Variants in GJA1 observed in about 807,000 individuals in gnomAD.
The protein encoded by GJA1 is gap junction protein alpha 1.
GJA1 carries 9 observed loss-of-function variants against 31.0 expected under a neutral mutation model. The ratio of observed to expected loss-of-function variants is 0.29; its 90% CI spans 0.17 to 0.51. The LOEUF (loss-of-function observed/expected upper bound fraction) is 0.51. GJA1 is among the 20% of genes least tolerant of loss of function. The pLI is 0.98. For missense variants in GJA1, 278 were observed against 468.8 expected, an observed-to-expected ratio of 0.59 and a Z score of 3.76; for synonymous variants, 186 against 180.1, an observed-to-expected ratio of 1.03 and a Z score of -0.26.
At chr6:121,436,184 T>TG (rs11333433) in intron 1 of GJA1, among the ~76,000 whole-genome samples, 3,944 of 29,794 alleles carry the variant, frequency 0.13, 441 homozygotes, top group African/African-American at 0.28. Context: ...ATTTGTTGGG[T>TG]GGGGGGGGGG....
intron 1 of GJA1, among the ~76,000 whole-genome samples, chr6:121,445,913 G>A (rs1773881718): frequency 6.6e-6 from 1 of 151,996 alleles, no homozygotes; most frequent in African/African-American, 2.4e-5. Context: ...GGGCAACATA[G>A]TGAAATCCTA....
Position 121,437,399 on chromosome 6 carries a change from C to T in GJA1, c.-17+1567C>T, listed in dbSNP as rs964619781. On this transcript the variant is annotated intron_variant, in intron 1 of 1. Coordinates refer to ENST00000282561, the MANE Select transcript of GJA1 (RefSeq NM_000165.5). ...TTTTTCCTCTTAAACTTGCTGAATC[C>T]CACTATCTCCGCGTTGGTAAGAAAA... Among the ~76,000 whole-genome samples, 5 of 150,924 alleles carry T rather than the reference C, an allele frequency of 3.3e-5. No homozygotes were observed. In the East Asian group the frequency reaches 9.7e-4, roughly 29 times the overall value.
chr6:121,448,896 T>A lies in GJA1; in HGVS notation c.*900T>A, dbSNP rs1418334908. 6.0e-6 allele frequency: 1 copy of A among 167,020 alleles called. No individual in the cohort carries two copies. Among genetic ancestry groups the A allele is most frequent in the Non-Finnish European group, 1.5e-5 (1 of 68,130 alleles). The allele number at this position is 167,020 out of a possible 1,614,324, so 10.3% of individuals were successfully genotyped here. A position where few individuals can be genotyped will look rare whatever the true frequency, so the allele number is the denominator to read the frequency against. On this transcript the variant is annotated 3_prime_UTR_variant, in exon 2 of 2. Coordinates refer to ENST00000282561, the MANE Select transcript of GJA1 (RefSeq NM_000165.5). ...CAGTATAAACTCACAAACACAGATT[T>A]GAAAATAATGCACATATGGTGTTCA...
intron 1 of GJA1, among the ~76,000 whole-genome samples, chr6:121,438,961 C>T (rs1773717748): frequency 6.6e-6 from 1 of 151,724 alleles, no homozygotes; most frequent in Admixed American, 6.6e-5. Flanking sequence ...ATTTCACATT[C>T]CAATTTCCCT....
At chr6:121,445,438 A>G (rs1333658574) in intron 1 of GJA1, among the ~76,000 whole-genome samples, 1 of 152,200 alleles carries the variant, frequency 6.6e-6, no homozygotes, top group African/African-American at 2.4e-5. Context: ...GGCGTGAGCC[A>G]CCACGCCTGG....
At chr6:121,445,175 C>T (rs540701919) in intron 1 of GJA1, among the ~76,000 whole-genome samples, 2 of 152,262 alleles carry the variant, frequency 1.3e-5, no homozygotes, top group Non-Finnish European at 2.9e-5. Context: ...TTTAGTGAGA[C>T]GGAGTCTCTC....
chr6:121,446,232 T>G (rs1475455534), intron 1 of GJA1, among the ~76,000 whole-genome samples: 1 of 151,942 alleles, frequency 6.6e-6, no homozygotes, highest in African/African-American at 2.4e-5. Context: ...GAGGCGGAAG[T>G]TGTGGTGAGC....
At chr6:121,436,607 C>T (rs536557249) in intron 1 of GJA1, among the ~76,000 whole-genome samples, 25 of 152,234 alleles carry the variant, frequency 1.6e-4, no homozygotes, top group African/African-American at 5.3e-4. Context: ...TGGGTGGTGG[C>T]TAGTTACAGA....
chr6:121,441,019 T>G (rs1773769518), intron 1 of GJA1, among the ~76,000 whole-genome samples: 1 of 151,672 alleles, frequency 6.6e-6, no homozygotes, highest in Admixed American at 6.6e-5. Context: ...CCCGGCTCAC[T>G]GCAAGCTCCG....
chr6:121,445,886 C>A (rs916774254), intron 1 of GJA1, among the ~76,000 whole-genome samples: 1 of 152,132 alleles, frequency 6.6e-6, no homozygotes, highest in Admixed American at 6.5e-5. Flanking sequence ...AGGAGGATTT[C>A]TTGAGCCCAG....
intron 1 of GJA1, among the ~76,000 whole-genome samples, chr6:121,441,864 C>G (rs1773798346): frequency 6.6e-6 from 1 of 152,110 alleles, no homozygotes; most frequent in Admixed American, 6.6e-5. Context: ...GAATAGACAA[C>G]TGAGTTCACT....
chr6:121,447,903 A>G lies in GJA1; in HGVS notation c.1056A>G (p.Glu352=), dbSNP rs1475995120. Reference sequence around the variant, plus strand: ...CTAAAAAACTAGCTGCTGGACATGAATTACAGCCACTAGCCATTGTGGACC... The same window carrying G: ...CTAAAAAACTAGCTGCTGGACATGAGTTACAGCCACTAGCCATTGTGGACC... ...QNSKKLAAGH[E]LQPLAIVDQR... The change falls in exon 2 of 2, where the codon GAA becomes GAG. Residue 352 remains glutamate, a synonymous_variant. Coordinates refer to ENST00000282561, the MANE Select transcript of GJA1 (RefSeq NM_000165.5). 5 of 1,613,718 alleles carry G rather than the reference A, an allele frequency of 3.1e-6. No homozygotes were observed. In the African/African-American group the frequency reaches 4.0e-5, roughly 13 times the overall value.
chr6:121,441,519 T>C (rs1237832596), intron 1 of GJA1, among the ~76,000 whole-genome samples: 6 of 152,174 alleles, frequency 3.9e-5, no homozygotes, highest in Non-Finnish European at 8.8e-5. Flanking sequence ...ATATTTACTA[T>C]ATCAAGTAGA....
At chr6:121,437,599 C>G (rs894320715) in intron 1 of GJA1, among the ~76,000 whole-genome samples, 1 of 152,138 alleles carries the variant, frequency 6.6e-6, no homozygotes, top group Middle Eastern at 3.4e-3. Context: ...GCGCGCCTCA[C>G]GGTCGTAGCA....
At chr6:121,445,107 C>G (rs941494050) in intron 1 of GJA1, among the ~76,000 whole-genome samples, 2 of 152,162 alleles carry the variant, frequency 1.3e-5, no homozygotes, top group Non-Finnish European at 2.9e-5. Context: ...CAATTAGAAG[C>G]ATAAATTGAA....
chr6:121,442,415 G>C (rs1219387967), intron 1 of GJA1, among the ~76,000 whole-genome samples: 5 of 152,198 alleles, frequency 3.3e-5, no homozygotes, highest in Non-Finnish European at 7.3e-5. Context: ...AAGTTCTTCT[G>C]CTCTCAGGGA....
intron 1 of GJA1, among the ~76,000 whole-genome samples, chr6:121,440,546 T>C (rs1235490071): frequency 3.9e-5 from 6 of 152,156 alleles, no homozygotes; most frequent in Admixed American, 2.6e-4. Context: ...ATGACAATAG[T>C]TTTTTACTGT....
intron 1 of GJA1, among the ~76,000 whole-genome samples, chr6:121,442,651 C>A (rs1205311619): frequency 6.6e-6 from 1 of 152,186 alleles, no homozygotes. Flanking sequence ...TTCCTAGGCC[C>A]CACCTCCAGA....
rs1773947754 is a variant in GJA1, at chr6:121,449,466, C to T, written c.*1470C>T. The T allele has an allele frequency of 6.0e-6, 1 of 167,088 alleles. No individual in the cohort carries two copies. The highest frequency in any genetic ancestry group is 6.5e-5 in the Admixed American group (1 of 15,286). 10.4% of individuals were successfully genotyped at this position (167,088 alleles called of 1,614,324 possible). ...ATTTATTTGAACTATATGTTGAAGA[C>T]ATCTACCAGTTTCTCCAAATGCCTT... is the stretch of plus-strand genomic sequence containing the variant. On this transcript the variant is annotated 3_prime_UTR_variant, in exon 2 of 2. Coordinates refer to ENST00000282561, the MANE Select transcript of GJA1 (RefSeq NM_000165.5).
Sources: allele counts gnomAD v4.1 joint callset (sites outside exome capture counted in the v4.1 genomes callset), GRCh38; gene constraint gnomAD v4.1.1; transcripts MANE v1.5; gene names NCBI Gene and HGNC (gene_info 2026-07-23, HGNC 2026-07-21).